ZBBX: variants seen among roughly 807,000 people sequenced by gnomAD.
The protein encoded by ZBBX is zinc finger B-box domain-containing protein 1.
A neutral mutation model predicts 108.5 loss-of-function variants in ZBBX; 101 were observed. That is an observed-to-expected ratio of 0.93 (90% CI 0.79 to 1.10). ZBBX has a LOEUF of 1.10. Ranked by LOEUF, ZBBX falls within the 50% of genes least tolerant of loss-of-function variation. ZBBX has a pLI of 0.00. For missense variants in ZBBX, 1,009 were observed against 941.4 expected (o/e 1.07, Z -0.94); for synonymous variants, 356 against 323.4 (o/e 1.10, Z -1.08).
chr3:167,241,798 C>T (rs1356719284), intron 21 of ZBBX, among the ~76,000 whole-genome samples: 1 of 152,096 alleles, frequency 6.6e-6, no homozygotes, highest in Non-Finnish European at 1.5e-5. Flanking sequence ...ATAAGAAACT[C>T]CTGATTCCCT....
the ZBBX span, among the ~76,000 whole-genome samples, chr3:167,216,980 A>G: frequency 6.6e-6 from 1 of 152,226 alleles, no homozygotes. Context: ...CTCAAAATGT[A>G]TTAAAGACTT....
At chr3:167,274,334 C>G (rs1195867455) in intron 20 of ZBBX, among the ~76,000 whole-genome samples, 1 of 152,136 alleles carries the variant, frequency 6.6e-6, no homozygotes, top group Non-Finnish European at 1.5e-5. Context: ...TTGCATCATA[C>G]CATGCATCCG....
At chr3:167,388,379 T>C (rs939748111) in intron 1 of ZBBX, among the ~76,000 whole-genome samples, 1 of 151,844 alleles carries the variant, frequency 6.6e-6, no homozygotes, top group Non-Finnish European at 1.5e-5. Flanking sequence ...TATAGGGAGT[T>C]ACGAACAGGC....
the ZBBX span, among the ~76,000 whole-genome samples, chr3:167,234,796 C>G: frequency 1.3e-4 from 19 of 151,732 alleles, no homozygotes; most frequent in African/African-American, 4.6e-4. Flanking sequence ...CCAATGTGTC[C>G]ACTTAATCAA....
chr3:167,375,233 T>C (rs1270089150), intron 2 of ZBBX, among the ~76,000 whole-genome samples: 2 of 152,218 alleles, frequency 1.3e-5, no homozygotes, highest in Non-Finnish European at 2.9e-5. Flanking sequence ...GACTATCTTA[T>C]ATTTCAACGA....
At chr3:167,269,221 G>C (rs565467621) in intron 20 of ZBBX, among the ~76,000 whole-genome samples, 17 of 152,098 alleles carry the variant, frequency 1.1e-4, no homozygotes, top group South Asian at 2.1e-4. Context: ...GTCGATTCAG[G>C]GGCCGCTCGC....
At chr3:167,346,524 A>G (rs1339873456) in intron 9 of ZBBX, among the ~76,000 whole-genome samples, 1 of 151,960 alleles carries the variant, frequency 6.6e-6, no homozygotes, top group Admixed American at 6.6e-5. Flanking sequence ...TACACTTTAT[A>G]TTAACCACAA....
chr3:167,209,679 C>T, the ZBBX span, among the ~76,000 whole-genome samples: 5 of 152,166 alleles, frequency 3.3e-5, no homozygotes, highest in Admixed American at 6.5e-5. Flanking sequence ...CAGACACTGA[C>T]GAACATCCAC....
At chr3:167,220,625 T>C in the ZBBX span, among the ~76,000 whole-genome samples, 2 of 151,940 alleles carry the variant, frequency 1.3e-5, no homozygotes. Flanking sequence ...TCACAGCTGG[T>C]ATCTATACTG....
chr3:167,285,779 CA>C (rs1288543751), intron 19 of ZBBX, among the ~76,000 whole-genome samples: 3 of 152,042 alleles, frequency 2.0e-5, no homozygotes, highest in African/African-American at 7.2e-5. Flanking sequence ...AATAAGACAT[CA>C]CCTCCACCCT....
At chr3:167,274,531 T>C (rs75380952) in intron 20 of ZBBX, among the ~76,000 whole-genome samples, 1 of 152,154 alleles carries the variant, frequency 6.6e-6, no homozygotes, top group Non-Finnish European at 1.5e-5. Flanking sequence ...ATACAATGAA[T>C]CTTTCTGAGT....
chr3:167,338,345 G>T (rs911451835), intron 9 of ZBBX, among the ~76,000 whole-genome samples: 1 of 152,110 alleles, frequency 6.6e-6, no homozygotes, highest in Non-Finnish European at 1.5e-5. Context: ...ATTTTGGAAT[G>T]GATGGCACCT....
intron 8 of ZBBX, among the ~76,000 whole-genome samples, chr3:167,353,245 T>G (rs1302026490): frequency 6.6e-6 from 1 of 152,050 alleles, no homozygotes; most frequent in Non-Finnish European, 1.5e-5. Flanking sequence ...TCTGACACAC[T>G]CATCAATTGA....
intron 6 of ZBBX, among the ~76,000 whole-genome samples, chr3:167,363,102 C>T (rs1451262542): frequency 6.6e-6 from 1 of 151,924 alleles, no homozygotes; most frequent in African/African-American, 2.4e-5. Context: ...AAATCTCAGA[C>T]TCTAAAGTTT....
intron 20 of ZBBX, among the ~76,000 whole-genome samples, chr3:167,267,629 A>T (rs1425283948): frequency 6.6e-6 from 1 of 152,198 alleles, no homozygotes; most frequent in Non-Finnish European, 1.5e-5. Context: ...TCTTCTGGCC[A>T]GTTTGGGTCA....
intron 20 of ZBBX, among the ~76,000 whole-genome samples, chr3:167,254,294 G>A (rs1723094324): frequency 1.3e-5 from 2 of 152,178 alleles, no homozygotes; most frequent in African/African-American, 4.8e-5. Context: ...GTGCACACGT[G>A]TGTGTATGCA....
chr3:167,379,711 A>T lies in ZBBX; in HGVS notation c.-205T>A, dbSNP rs771503303. 1.3e-5 allele frequency: 2 copies of T among 152,148 alleles called. No homozygotes were observed. The highest frequency in any genetic ancestry group is 2.9e-5 in the Non-Finnish European group (2 of 68,036). The allele number at this position is 152,148 out of a possible 1,614,324, so 9.4% of individuals were successfully genotyped here. The stretch of plus-strand genomic sequence containing the variant: ...TCTTCAGATTTCTCAGGAATCGGGC[A>T]CCCCGCACCATAGCCCTTACTTGTG... On this transcript the variant is annotated 5_prime_UTR_variant, in exon 2 of 22. Transcript: ENST00000675490.
intron 18 of ZBBX, among the ~76,000 whole-genome samples, chr3:167,295,744 TATATATATATATATAA>T (rs1253865315): frequency 0.026 from 473 of 18,392 alleles, 47 homozygotes; most frequent in African/African-American, 0.077. Flanking sequence ...TATATATATA[TATATATATATATATAA>T]AAAAAACTAG....
chr3:167,342,184 C>A (rs1194357919), intron 9 of ZBBX, among the ~76,000 whole-genome samples: 1 of 151,676 alleles, frequency 6.6e-6, no homozygotes, highest in Non-Finnish European at 1.5e-5. Flanking sequence ...CCCATAAAGA[C>A]CAATGAACAT....
Sources: allele counts gnomAD v4.1 joint callset (sites outside exome capture counted in the v4.1 genomes callset), GRCh38; gene constraint gnomAD v4.1.1; transcripts MANE v1.5; gene names NCBI Gene and HGNC (gene_info 2026-07-23, HGNC 2026-07-21).